The following STRBP variants were observed in gnomAD, a reference collection of about 807,000 sequenced individuals.
STRBP encodes spermatid perinuclear RNA-binding protein.
In STRBP, 13 loss-of-function variants were observed where a neutral mutation model predicts 80.1. The ratio of observed to expected loss-of-function variants is 0.16; its 90% CI spans 0.11 to 0.26. The LOEUF is 0.26. STRBP is among the 10% of genes least tolerant of loss of function. The probability of loss-of-function intolerance (pLI) is 1.00; values close to 1 mark genes in which losing one functional copy is unlikely to be tolerated. For missense variants in STRBP, 485 were observed against 815.2 expected (o/e 0.59, Z 4.93); for synonymous variants, 284 against 291.2 (o/e 0.98, Z 0.25).
chr9:123,178,609 T>C (rs2038322205), intron 4 of STRBP, among the ~76,000 whole-genome samples: 2 of 152,172 alleles, frequency 1.3e-5, no homozygotes, highest in African/African-American at 4.8e-5. Flanking sequence ...CACTCTTTCT[T>C]CTACACAAGG....
chr9:123,181,800 C>CAAAAA (rs56785428), intron 3 of STRBP, among the ~76,000 whole-genome samples: 1 of 25,760 alleles, frequency 3.9e-5, no homozygotes, highest in African/African-American at 1.8e-4. Flanking sequence ...AACTTCGTCT[C>CAAAAA]AAAAAAAAAA....
At chr9:123,220,977 A>G (rs1361638242) in intron 2 of STRBP, among the ~76,000 whole-genome samples, 1 of 152,192 alleles carries the variant, frequency 6.6e-6, no homozygotes, top group African/African-American at 2.4e-5. Context: ...CAAAATGACC[A>G]ACTGACAATA....
At chr9:123,180,065 G>C (rs1035471190) in intron 3 of STRBP, among the ~76,000 whole-genome samples, 3 of 151,994 alleles carry the variant, frequency 2.0e-5, no homozygotes, top group African/African-American at 7.3e-5. Flanking sequence ...GACCAGCCTG[G>C]GTAATGTAGC....
At chr9:123,196,780 G>A (rs917700407) in intron 2 of STRBP, among the ~76,000 whole-genome samples, 4 of 152,190 alleles carry the variant, frequency 2.6e-5, no homozygotes, top group African/African-American at 9.7e-5. Flanking sequence ...CTTGTATACT[G>A]TTGGTAGGAA....
intron 2 of STRBP, among the ~76,000 whole-genome samples, chr9:123,214,111 T>C (rs1380195675): frequency 6.7e-6 from 1 of 148,258 alleles, no homozygotes; most frequent in Non-Finnish European, 1.5e-5. Flanking sequence ...AATCAATGAG[T>C]GGATAAAGTG....
At chr9:123,179,533 T>C (rs2038365127) in intron 3 of STRBP, among the ~76,000 whole-genome samples, 1 of 152,162 alleles carries the variant, frequency 6.6e-6, no homozygotes, top group African/African-American at 2.4e-5. Flanking sequence ...CCCAGCACTT[T>C]GGGAGACCGA....
intron 2 of STRBP, among the ~76,000 whole-genome samples, chr9:123,231,585 G>A (rs1487358871): frequency 2.6e-5 from 4 of 151,978 alleles, no homozygotes; most frequent in Non-Finnish European, 5.9e-5. Flanking sequence ...AGGAGACCAG[G>A]GACATCATCT....
At chr9:123,177,930 T>TA (rs2038291534) in intron 4 of STRBP, among the ~76,000 whole-genome samples, 1 of 152,322 alleles carries the variant, frequency 6.6e-6, no homozygotes, top group East Asian at 1.9e-4. Flanking sequence ...ATAACATTAC[T>TA]AATGAACATG....
Position 123,122,554 on chromosome 9 carries a change from C to T in STRBP, c.*3043G>A. ...CGACTTCAGAACTATATAAACTCAA[C>T]TCCTTACTTCACCACCCATGCACTT... On this transcript the variant is annotated 3_prime_UTR_variant, in exon 19 of 19. Coordinates refer to ENST00000348403, the MANE Select transcript of STRBP (RefSeq NM_018387.5). 8.8e-7 allele frequency: 1 copy of T among 1,134,154 alleles called. No homozygotes were observed. Among genetic ancestry groups the T allele is most frequent in the Non-Finnish European group, 1.1e-6 (1 of 916,736 alleles). The allele number at this position is 1,134,154 out of a possible 1,614,324, so 70.3% of individuals were successfully genotyped here. A position where few individuals can be genotyped will look rare whatever the true frequency, so the allele number is the denominator to read the frequency against.
Position 123,124,652 on chromosome 9 carries a change from G to C in STRBP, c.*945C>G, listed in dbSNP as rs931147224. The C allele has an allele frequency of 5.1e-6, 5 of 985,292 alleles. No homozygotes were observed. 61.0% of individuals were successfully genotyped at this position (985,292 alleles called of 1,614,324 possible). On this transcript the variant is annotated 3_prime_UTR_variant, in exon 19 of 19. Transcript: ENST00000348403. ...CTAATCTTCTATCTGCATGAAAAAA[G>C]CCAGGGAGTGAACACAATATCTTAC...
At chr9:123,242,532 T>G (rs1416167938) in intron 1 of STRBP, among the ~76,000 whole-genome samples, 1 of 152,114 alleles carries the variant, frequency 6.6e-6, no homozygotes, top group Non-Finnish European at 1.5e-5. Context: ...TGGTGACATG[T>G]ACCTGTAGTC....
intron 6 of STRBP, among the ~76,000 whole-genome samples, chr9:123,162,191 T>A (rs1235828791): frequency 6.6e-6 from 1 of 151,926 alleles, no homozygotes; most frequent in Admixed American, 6.6e-5. Context: ...TATCAGAGGA[T>A]CCTATTACAA....
intron 2 of STRBP, among the ~76,000 whole-genome samples, chr9:123,201,652 G>T (rs2039329379): frequency 6.6e-6 from 1 of 152,162 alleles, no homozygotes; most frequent in Non-Finnish European, 1.5e-5. Context: ...AATTTATTGA[G>T]ACTTGCTTTG....
At chr9:123,178,514 A>T (rs2038318104) in intron 4 of STRBP, among the ~76,000 whole-genome samples, 1 of 152,246 alleles carries the variant, frequency 6.6e-6, no homozygotes, top group African/African-American at 2.4e-5. Context: ...TACAAAGAGC[A>T]GTTATGATAT....
intron 4 of STRBP, among the ~76,000 whole-genome samples, chr9:123,174,141 T>C (rs1270128144): frequency 1.3e-5 from 2 of 152,230 alleles, no homozygotes; most frequent in Non-Finnish European, 2.9e-5. Context: ...ATTGTTCTTT[T>C]AAATTTCCTT....
intron 2 of STRBP, among the ~76,000 whole-genome samples, chr9:123,217,578 T>C (rs2039938069): frequency 6.6e-6 from 1 of 152,204 alleles, no homozygotes; most frequent in Non-Finnish European, 1.5e-5. Flanking sequence ...TAAAAGCATG[T>C]CCACTTAAAG....
At chr9:123,261,406 T>A (rs1323695069) in intron 1 of STRBP, among the ~76,000 whole-genome samples, 1 of 152,200 alleles carries the variant, frequency 6.6e-6, no homozygotes, top group Non-Finnish European at 1.5e-5. Flanking sequence ...ATCTCTGCTC[T>A]AAAGTGAACT....
At chr9:123,242,815 A>AT (rs1479605925) in intron 1 of STRBP, among the ~76,000 whole-genome samples, 9 of 152,200 alleles carry the variant, frequency 5.9e-5, no homozygotes, top group Non-Finnish European at 1.2e-4. Context: ...TAATTTGAGT[A>AT]TTTTCTCTAC....
chr9:123,133,898 T>C (rs1179060451), intron 16 of STRBP, among the ~76,000 whole-genome samples: 3 of 152,158 alleles, frequency 2.0e-5, no homozygotes, highest in African/African-American at 4.8e-5. Context: ...TAAAATGCCA[T>C]AATCTATGGA....
Sources: gnomAD v4.1 joint callset for allele counts (sites outside exome capture counted in the v4.1 genomes callset) on GRCh38, gnomAD v4.1.1 for gene constraint, MANE v1.5 for transcripts, NCBI Gene and HGNC (gene_info 2026-07-23, HGNC 2026-07-21) for gene names.